The following ABCC1 variants were observed in gnomAD, a reference collection of about 807,000 sequenced individuals.
The protein encoded by ABCC1 is ATP binding cassette subfamily C member 1 (ABCC1 blood group).
ABCC1 carries 83 observed loss-of-function variants against 172.9 expected under a neutral mutation model. The ratio of observed to expected loss-of-function variants is 0.48; its 90% CI spans 0.40 to 0.58. The LOEUF (loss-of-function observed/expected upper bound fraction) is 0.58, where lower values mean the gene tolerates loss of function less well. Ranked by LOEUF, ABCC1 falls within the 20% of genes least tolerant of loss-of-function variation. The pLI is 0.00. For synonymous variants in ABCC1, 937 were observed against 825.2 expected, an observed-to-expected ratio of 1.14 and a Z score of -2.32; for missense variants, 1,817 against 2,002.7, an observed-to-expected ratio of 0.91 and a Z score of 1.77.
chr16:16,096,002 C>T (rs1347203907), intron 19 of ABCC1, among the ~76,000 whole-genome samples: 2 of 152,128 alleles, frequency 1.3e-5, no homozygotes, highest in African/African-American at 4.8e-5. Context: ...AAAGGTGGCT[C>T]ATATGTGTAA....
At chr16:16,007,430 G>GC (rs2047586489) in intron 1 of ABCC1, among the ~76,000 whole-genome samples, 1 of 152,096 alleles carries the variant, frequency 6.6e-6, no homozygotes, top group Non-Finnish European at 1.5e-5. Flanking sequence ...TCACTATCTT[G>GC]CCTAGGCTGG....
At chr16:16,055,781 G>T (rs1475323935) in intron 11 of ABCC1, among the ~76,000 whole-genome samples, 5 of 151,180 alleles carry the variant, frequency 3.3e-5, no homozygotes, top group Admixed American at 2.6e-4. Flanking sequence ...GTGGTCTTGG[G>T]GCTCAAGAGT....
intron 21 of ABCC1, among the ~76,000 whole-genome samples, chr16:16,110,240 C>T (rs181585112): frequency 1.3e-4 from 20 of 152,120 alleles, no homozygotes; most frequent in Admixed American, 2.0e-4. Flanking sequence ...TGTGCCCCCA[C>T]GCCTGACTAA....
chr16:16,049,992 C>T (rs996895536), intron 10 of ABCC1, among the ~76,000 whole-genome samples: 15 of 152,156 alleles, frequency 9.9e-5, no homozygotes, highest in African/African-American at 3.4e-4. Flanking sequence ...CCGTGCCCAG[C>T]CCACTCCCTG....
intron 1 of ABCC1, among the ~76,000 whole-genome samples, chr16:15,953,939 G>A (rs2045931955): frequency 1.3e-5 from 2 of 151,312 alleles, no homozygotes; most frequent in South Asian, 2.1e-4. Flanking sequence ...CCTCCTCCAA[G>A]TGTGGCTTTG....
At chr16:16,026,947 TTCTG>T (rs146131931) in intron 5 of ABCC1, among the ~76,000 whole-genome samples, 17 of 152,156 alleles carry the variant, frequency 1.1e-4, no homozygotes, top group Non-Finnish European at 2.1e-4. Context: ...CTGTGCAGTG[TTCTG>T]TCTGTCAATG....
At chr16:16,036,829 G>T (rs1381111301) in intron 7 of ABCC1, among the ~76,000 whole-genome samples, 1 of 152,168 alleles carries the variant, frequency 6.6e-6, no homozygotes, top group Admixed American at 6.6e-5. Flanking sequence ...AAAGAAGCTG[G>T]GTGCGGTGGC....
intron 20 of ABCC1, among the ~76,000 whole-genome samples, chr16:16,103,566 C>T (rs189626119): frequency 1.3e-5 from 2 of 152,016 alleles, no homozygotes; most frequent in Non-Finnish European, 1.5e-5. Flanking sequence ...GGTGACAGAG[C>T]GAGACTCCAT....
intron 21 of ABCC1, among the ~76,000 whole-genome samples, chr16:16,110,755 A>C (rs1269387344): frequency 6.6e-6 from 1 of 152,182 alleles, no homozygotes; most frequent in Non-Finnish European, 1.5e-5. Context: ...AGACTGCATT[A>C]GGTCAGGTTG....
At chr16:16,131,596 T>A (rs1408225459) in intron 26 of ABCC1, among the ~76,000 whole-genome samples, 193 bp from the exon 27 acceptor site, 1 of 152,100 alleles carries the variant, frequency 6.6e-6, no homozygotes, top group Non-Finnish European at 1.5e-5. Flanking sequence ...GAGGGTGCTC[T>A]GTATCGACCA....
intron 3 of ABCC1, among the ~76,000 whole-genome samples, 174 bp downstream of exon 3, chr16:16,010,075 T>A (rs2151735717): frequency 9.5e-6 from 1 of 105,490 alleles, no homozygotes. Context: ...ACATGAGATC[T>A]CGCTTTCATC....
intron 20 of ABCC1, among the ~76,000 whole-genome samples, chr16:16,103,010 G>A (rs904299173): frequency 6.6e-6 from 1 of 152,146 alleles, no homozygotes; most frequent in African/African-American, 2.4e-5. Context: ...CAGGTCTCTT[G>A]GCGGGGCCTG....
chr16:16,116,211 T>A (rs186456274), intron 23 of ABCC1, among the ~76,000 whole-genome samples: 37 of 151,960 alleles, frequency 2.4e-4, no homozygotes, highest in Non-Finnish European at 4.7e-4. Context: ...GCCCCTTTCA[T>A]TCTTAAGTTG....
At chr16:16,095,234 T>C (rs986059928) in intron 19 of ABCC1, 6 of 152,200 alleles carry the variant, frequency 3.9e-5, no homozygotes, top group African/African-American at 1.2e-4. Context: ...TCAAGCCCCT[T>C]AGGGGAACAA....
chr16:16,071,749 T>C lies in ABCC1; in HGVS notation c.1912+20T>C, dbSNP rs1266418772. On this transcript the variant is annotated intron_variant, in intron 14 of 30. Coordinates refer to ENST00000399410, the MANE Select transcript of ABCC1 (RefSeq NM_004996.4). Reference sequence around the variant, plus strand: ...AAGACGGTGTGTGTGTGTTCAGTCCTGGCTTCTGGAAGTGGCCGCCTTCCC... The same window carrying C: ...AAGACGGTGTGTGTGTGTTCAGTCCCGGCTTCTGGAAGTGGCCGCCTTCCC... 2 of 1,608,272 alleles carry C rather than the reference T, an allele frequency of 1.2e-6. No individual in the cohort carries two copies. The highest frequency in any genetic ancestry group is 1.7e-6 in the Non-Finnish European group (2 of 1,176,534).
chr16:16,066,781 A>C (rs35602), intron 12 of ABCC1, among the ~76,000 whole-genome samples: 1 of 151,444 alleles, frequency 6.6e-6, no homozygotes, highest in Non-Finnish European at 1.5e-5. Context: ...GTGGGCGCCT[A>C]TAATCCCAGC....
chr16:16,136,214 G>C (rs1160678949), intron 28 of ABCC1, among the ~76,000 whole-genome samples: 1 of 152,038 alleles, frequency 6.6e-6, no homozygotes, highest in Non-Finnish European at 1.5e-5. Flanking sequence ...ACTAGAGACA[G>C]GGTGTTGCCA....
chr16:16,080,847 T>C (rs767408843), intron 16 of ABCC1, among the ~76,000 whole-genome samples: 3 of 151,266 alleles, frequency 2.0e-5, no homozygotes, highest in Non-Finnish European at 4.4e-5. Context: ...CCTTTGGGAA[T>C]GTCAAGTTTA....
At chr16:16,067,134 T>A (rs1401044467) in intron 12 of ABCC1, among the ~76,000 whole-genome samples, 1 of 152,058 alleles carries the variant, frequency 6.6e-6, no homozygotes, top group Non-Finnish European at 1.5e-5. Context: ...CCTGTAGTCC[T>A]AGCTACTCGG....
Sources: gnomAD v4.1 joint callset for allele counts (sites outside exome capture counted in the v4.1 genomes callset) on GRCh38, gnomAD v4.1.1 for gene constraint, MANE v1.5 for transcripts, NCBI Gene and HGNC (gene_info 2026-07-23, HGNC 2026-07-21) for gene names.